Variants in ADGRG5 observed in about 807,000 individuals in gnomAD.
ADGRG5 encodes the protein adhesion G protein-coupled receptor G5, also known as G protein-coupled receptor 114.
A neutral mutation model predicts 53.2 loss-of-function variants in ADGRG5; 37 were observed. The ratio of observed to expected loss-of-function variants is 0.70; its 90% CI spans 0.53 to 0.91. The LOEUF is 0.91. ADGRG5 is among the 40% of genes least tolerant of loss of function. ADGRG5 has a pLI of 0.00. For synonymous variants in ADGRG5, 277 were observed against 290.4 expected (o/e 0.95, Z 0.47); for missense variants, 614 against 675.8 (o/e 0.91, Z 1.01).
intron 1 of ADGRG5, among the ~76,000 whole-genome samples, chr16:57,544,963 A>G (rs1289512307): frequency 1.3e-5 from 2 of 151,926 alleles, no homozygotes; most frequent in African/African-American, 4.8e-5. Context: ...AATTTTGTAG[A>G]GATGGGGTCT....
rs142203591 is a variant in ADGRG5, at chr16:57,561,173, C to A, written c.-38-883C>A. Among the ~76,000 whole-genome samples the A allele has an allele frequency of 1.4e-3, 217 of 152,314 alleles. 3 individuals carry two copies. Among genetic ancestry groups the A allele is most frequent in the African/African-American group, 5.0e-3 (207 of 41,572 alleles). On this transcript the variant is annotated intron_variant, in intron 1 of 11. Coordinates refer to ENST00000349457, the MANE Select transcript of ADGRG5 (RefSeq NM_001304376.3). ...TGCTTCCAAGGTTGTGAGGCTTCTC[C>A]TTGTCTCCTGCCAACACCACACCTC...
chr16:57,575,092 G>T lies in ADGRG5; in HGVS notation c.1486G>T (p.Gly496Cys). 1 of 1,610,180 alleles carries T rather than the reference G, an allele frequency of 6.2e-7. No individual in the cohort carries two copies. The highest frequency in any genetic ancestry group is 8.5e-7 in the Non-Finnish European group (1 of 1,178,128). The part of the protein sequence containing the change: ...FLFTILNSLY[G>C]FFLFLWFCSQ... Reference sequence around the variant, plus strand: ...CTTCACCATCTTAAACTCGCTCTACGGTAGGGCTGGAGGGCGGCCTGGAGG... The same window carrying T: ...CTTCACCATCTTAAACTCGCTCTACTGTAGGGCTGGAGGGCGGCCTGGAGG... Residue 496 changes from glycine (G) to cysteine (C), a missense_variant and splice_region_variant, in exon 11 of 12, where the codon GGT becomes TGT. Coordinates refer to ENST00000349457, the MANE Select transcript of ADGRG5 (RefSeq NM_001304376.3).
At chr16:57,554,201 A>G (rs1191118352) in intron 1 of ADGRG5, among the ~76,000 whole-genome samples, 2 of 151,892 alleles carry the variant, frequency 1.3e-5, no homozygotes, top group African/African-American at 4.8e-5. Context: ...CAGGTTCTGT[A>G]GTGATAGCCC....
Position 57,575,698 on chromosome 16 carries a change from G to C in ADGRG5, c.*160G>C. On this transcript the variant is annotated 3_prime_UTR_variant, in exon 12 of 12. Transcript: ENST00000349457. ...TTCCACGGCCTCTCCAGGCACTGAG[G>C]GGAAGGCATTGCTCTACCTCTCCCT... 1 of 607,924 alleles carries C rather than the reference G, an allele frequency of 1.6e-6. No individual in the cohort carries two copies. Among genetic ancestry groups the C allele is most frequent in the Non-Finnish European group, 2.9e-6 (1 of 342,318 alleles). 37.7% of individuals were successfully genotyped at this position (607,924 alleles called of 1,614,324 possible). A position where few individuals can be genotyped will look rare whatever the true frequency, so the allele number is the denominator to read the frequency against.
At chr16:57,567,441 T>C in intron 7 of ADGRG5, 29 bp from the exon 8 acceptor site, 5 of 1,602,720 alleles carry the variant, frequency 3.1e-6, no homozygotes, top group South Asian at 1.1e-5. Context: ...ACTATGCTTC[T>C]GGCCTCCAGC....
chr16:57,562,200 G>A lies in ADGRG5; in HGVS notation c.64+43G>A, dbSNP rs184812598. Reference sequence around the variant, plus strand: ...AACTGGGGGCAGCCCTAGCCCAGTCGTGGGACTGTGATGCAAAAGGGGGAG... The same window carrying A: ...AACTGGGGGCAGCCCTAGCCCAGTCATGGGACTGTGATGCAAAAGGGGGAG... On this transcript the variant is annotated intron_variant, in intron 2 of 11. Coordinates refer to ENST00000349457, the MANE Select transcript of ADGRG5 (RefSeq NM_001304376.3). The A allele has an allele frequency of 6.5e-5, 101 of 1,551,892 alleles. No individual in the cohort carries two copies. In the East Asian group the frequency reaches 1.6e-3, roughly 25 times the overall value.
At position 57,568,037 on chromosome 16, in the gene ADGRG5, G is replaced by T. The variant is rs2033192890; in HGVS notation, c.1003G>T (p.Glu335Ter). ...LLSCLTWMAI[E>*]GFNLYLLLGR... is the part of the protein sequence containing the mutation. ...CAGCTGCCTCACCTGGATGGCCATC[G>T]AGGGCTTCAACCTCTACCTCCTCCT... The change falls in exon 9 of 12, where the codon GAG becomes TAG. Residue 335 changes from glutamate to a stop codon, truncating the protein, a stop_gained. Coordinates refer to ENST00000349457, the MANE Select transcript of ADGRG5 (RefSeq NM_001304376.3). LOFTEE classifies it high-confidence loss of function. 1 of 1,614,012 alleles carries T rather than the reference G, an allele frequency of 6.2e-7. No individual in the cohort carries two copies. The highest frequency in any genetic ancestry group is 2.2e-5 in the East Asian group (1 of 44,884).
chr16:57,567,946 C>G lies in ADGRG5; in HGVS notation c.912C>G (p.Phe304Leu). 6.2e-7 allele frequency: 1 copy of G among 1,613,960 alleles called. No individual in the cohort carries two copies. The highest frequency in any genetic ancestry group is 8.5e-7 in the Non-Finnish European group (1 of 1,179,958). The part of the protein sequence containing the change: ...LNIAFLLSPA[F>L]AMSPVPGSAC... ...TCGCCTTCCTGCTGAGCCCCGCATT[C>G]GCAATGTCTCCTGTGCCCGGGTCAG... Residue 304 changes from phenylalanine (F) to leucine (L), a missense_variant, in exon 9 of 12, where the codon TTC (phenylalanine) becomes TTG (leucine). Transcript: ENST00000349457.
At chr16:57,550,969 G>C (rs1294739730) in intron 1 of ADGRG5, among the ~76,000 whole-genome samples, 3 of 152,176 alleles carry the variant, frequency 2.0e-5, no homozygotes, top group Admixed American at 6.5e-5. Flanking sequence ...TGGAGGCGGA[G>C]GTTGCAGTGA....
chr16:57,563,947 T>C lies in ADGRG5; in HGVS notation c.397T>C (p.Cys133Arg). 1 of 1,613,820 alleles carries C rather than the reference T, an allele frequency of 6.2e-7. No homozygotes were observed. Among genetic ancestry groups the C allele is most frequent in the Non-Finnish European group, 8.5e-7 (1 of 1,179,758 alleles). Reference sequence around the variant, plus strand: ...CCGCCCCAGGGAGCTGCGGCTCATCTGTATCTACTTCTCCAACACCCACTT... The same window carrying C: ...CCGCCCCAGGGAGCTGCGGCTCATCCGTATCTACTTCTCCAACACCCACTT... ...KTRPRELRLI[C>R]IYFSNTHFFK... Residue 133 changes from cysteine (C) to arginine (R), a missense_variant, in exon 5 of 12, where the codon TGT becomes CGT. By Grantham distance (180) the Cys-to-Arg change is radical. Transcript: ENST00000349457.
chr16:57,561,801 G>C (rs946817541), intron 1 of ADGRG5, among the ~76,000 whole-genome samples: 1 of 152,320 alleles, frequency 6.6e-6, no homozygotes, highest in South Asian at 2.1e-4. Context: ...TTTGGGAAGG[G>C]GAGTGTATCA....
rs2033519069 is a variant in ADGRG5, at chr16:57,576,483, A to G, written c.*945A>G. The G allele has an allele frequency of 6.6e-6, 1 of 152,182 alleles. No homozygotes were observed. The highest frequency in any genetic ancestry group is 1.5e-5 in the Non-Finnish European group (1 of 68,056). 9.4% of individuals were successfully genotyped at this position (152,182 alleles called of 1,614,324 possible). A position where few individuals can be genotyped will look rare whatever the true frequency, so the allele number is the denominator to read the frequency against. On this transcript the variant is annotated 3_prime_UTR_variant, in exon 12 of 12. Coordinates refer to ENST00000349457, the MANE Select transcript of ADGRG5 (RefSeq NM_001304376.3). ...AATTCGAAGCTCAGGCCATAGTTTC[A>G]GAGAATCACCCTTACCCCAGACCTT...
intron 10 of ADGRG5, among the ~76,000 whole-genome samples, chr16:57,572,250 C>A (rs1206815514): frequency 6.6e-6 from 1 of 151,932 alleles, no homozygotes; most frequent in South Asian, 2.1e-4. Context: ...CTGAGGTAGG[C>A]AGATCATGAG....
chr16:57,537,953 C>T (rs973682552), upstream of ADGRG5, among the ~76,000 whole-genome samples: 1 of 152,270 alleles, frequency 6.6e-6, no homozygotes, highest in East Asian at 1.9e-4. Context: ...AGGCTCTTGG[C>T]TCAGACTTGC....
chr16:57,574,810 T>C lies in ADGRG5; in HGVS notation c.1209-5T>C. 6.4e-7 allele frequency: 1 copy of C among 1,563,342 alleles called. No individual in the cohort carries two copies. Among genetic ancestry groups the C allele is most frequent in the Non-Finnish European group, 8.7e-7 (1 of 1,151,350 alleles). Reference sequence around the variant, plus strand: ...GTGAGCCTGACACGTCACCCTCCCCTGCAGATGCTGGGTGCGGAGCCCCGT... The same window carrying C: ...GTGAGCCTGACACGTCACCCTCCCCCGCAGATGCTGGGTGCGGAGCCCCGT... On this transcript the variant is annotated splice_region_variant and splice_polypyrimidine_tract_variant and intron_variant, in intron 10 of 11. Transcript: ENST00000349457. The surrounding 1 kb of genome is among the most constrained non-coding windows in gnomAD (Gnocchi z 4.4).
intron 10 of ADGRG5, among the ~76,000 whole-genome samples, chr16:57,573,962 T>G (rs1401504648): frequency 6.6e-6 from 1 of 152,172 alleles, no homozygotes; most frequent in Admixed American, 6.5e-5. Context: ...CCTCAAGTGA[T>G]TCGCCCACCT....
At chr16:57,543,821 C>T (rs1202797284) in intron 1 of ADGRG5, among the ~76,000 whole-genome samples, 1 of 152,126 alleles carries the variant, frequency 6.6e-6, no homozygotes, top group Non-Finnish European at 1.5e-5. Flanking sequence ...GGACTTTGAT[C>T]AGAGCCCTGG....
intron 9 of ADGRG5, 146 bp downstream of exon 9, chr16:57,568,270 A>G: frequency 2.7e-6 from 2 of 740,644 alleles, no homozygotes; most frequent in East Asian, 2.6e-5. Flanking sequence ...ACCCACCTCT[A>G]CTTTCTATGT....
chr16:57,530,797 C>A, the ADGRG5 span, among the ~76,000 whole-genome samples: 2 of 151,942 alleles, frequency 1.3e-5, no homozygotes, highest in Admixed American at 1.3e-4. Context: ...TGGCACCTCC[C>A]TTTTAAGGTC....
Sources: allele counts gnomAD v4.1 joint callset (sites outside exome capture counted in the v4.1 genomes callset), GRCh38; gene constraint gnomAD v4.1.1; non-coding constraint Gnocchi (gnomAD v3.1); transcripts MANE v1.5; gene names NCBI Gene and HGNC (gene_info 2026-07-23, HGNC 2026-07-21).